The following NOP9 variants were observed in gnomAD, a reference collection of about 807,000 sequenced individuals.
NOP9 encodes the protein nucleolar protein 9.
NOP9 carries 50 observed loss-of-function variants against 63.0 expected under a neutral mutation model. The observed-to-expected ratio is 0.79, with a 90% CI of 0.63 to 1.00. The LOEUF is 1.00. Among genes scored for constraint, NOP9 ranks in the 50% least tolerant of loss-of-function variants. The probability of loss-of-function intolerance (pLI) is 0.00; values close to 1 mark genes in which losing one functional copy is unlikely to be tolerated. For synonymous variants in NOP9, 343 were observed against 332.8 expected (o/e 1.03, Z -0.33); for missense variants, 758 against 803.0 (o/e 0.94, Z 0.68).
the NOP9 span, among the ~76,000 whole-genome samples, chr14:24,285,376 C>T: frequency 6.6e-6 from 1 of 152,152 alleles, no homozygotes; most frequent in East Asian, 1.9e-4. Context: ...GGAGCAGATG[C>T]ATTAGGACCT....
the NOP9 span, among the ~76,000 whole-genome samples, chr14:24,275,564 T>C: frequency 2.6e-5 from 4 of 152,086 alleles, no homozygotes; most frequent in Non-Finnish European, 5.9e-5. Flanking sequence ...CCAACATACA[T>C]ACACAGAAGC....
chr14:24,274,798 CG>C, the NOP9 span, among the ~76,000 whole-genome samples: 1 of 150,400 alleles, frequency 6.6e-6, no homozygotes, highest in Non-Finnish European at 1.5e-5. Flanking sequence ...TTAGTAGAGA[CG>C]GGGTTTCACC....
rs748596107 is a variant in NOP9, at chr14:24,302,047, T to C, written c.891T>C (p.Ala297=). 1 of 1,614,100 alleles carries C rather than the reference T, an allele frequency of 6.2e-7. No individual in the cohort carries two copies. Among genetic ancestry groups the C allele is most frequent in the Non-Finnish European group, 8.5e-7 (1 of 1,179,964 alleles). ...ACCGCAAACTTCCCCAGTTTTGCGCTCATCTCTGCAATGCTGTGATTGGCT... is the reference window on the plus strand; with the variant it reads ...ACCGCAAACTTCCCCAGTTTTGCGCCCATCTCTGCAATGCTGTGATTGGCT... The part of the protein sequence containing the change: ...VLHRKLPQFC[A]HLCNAVIGYL... Residue 297 remains alanine (A), a synonymous_variant, in exon 4 of 10, where the codon GCT becomes GCC. Coordinates refer to ENST00000267425, the MANE Select transcript of NOP9 (RefSeq NM_174913.3).
In NOP9 at chr14:24,305,799, T is replaced by C. The variant is rs758799306; in HGVS notation, c.*704T>C. 7 of 1,607,164 alleles carry C rather than the reference T, an allele frequency of 4.4e-6. No homozygotes were observed. Among genetic ancestry groups the C allele is most frequent in the Middle Eastern group, 3.3e-4 (2 of 6,022 alleles). On this transcript the variant is annotated 3_prime_UTR_variant, in exon 10 of 10. Coordinates refer to ENST00000267425, the MANE Select transcript of NOP9 (RefSeq NM_174913.3). ...CAGAGACAAGAGGAAATCAGATGAT[T>C]TGGAAAACTTGGGAGGAAGCCATCA...
the NOP9 span, among the ~76,000 whole-genome samples, chr14:24,280,947 CGGGA>C: frequency 2.0e-5 from 3 of 152,078 alleles, no homozygotes; most frequent in African/African-American, 7.2e-5. Flanking sequence ...CTCGCAGCAC[CGGGA>C]GGGAGTGGAC....
the NOP9 span, among the ~76,000 whole-genome samples, chr14:24,289,257 C>T: frequency 6.6e-6 from 1 of 152,094 alleles, no homozygotes; most frequent in Non-Finnish European, 1.5e-5. Flanking sequence ...GCTGGGATTA[C>T]AGGTGTGAGC....
chr14:24,300,523 G>C lies in NOP9; in HGVS notation c.363G>C (p.Pro121=), dbSNP rs374464981. The C allele has an allele frequency of 9.9e-6, 16 of 1,614,252 alleles. No individual in the cohort carries two copies. The highest frequency in any genetic ancestry group is 1.3e-5 in the Non-Finnish European group (15 of 1,180,044). The change falls in exon 2 of 10, where the codon CCG becomes CCC. Residue 121 remains proline, a synonymous_variant. Coordinates refer to ENST00000267425, the MANE Select transcript of NOP9 (RefSeq NM_174913.3). ...QELLGFSPLK[P]LCRVWAALRS... is the part of the protein sequence containing the mutation. Reference sequence around the variant, plus strand: ...TGTTGGGATTCAGTCCCTTGAAACCGCTTTGTCGCGTGTGGGCTGCTCTGC... The same window carrying C: ...TGTTGGGATTCAGTCCCTTGAAACCCCTTTGTCGCGTGTGGGCTGCTCTGC...
chr14:24,291,500 A>G, the NOP9 span: 11 of 1,555,292 alleles, frequency 7.1e-6, no homozygotes, highest in Non-Finnish European at 9.8e-6. Flanking sequence ...ACTGGATGCT[A>G]CCGCACTACA....
At position 24,300,294 on chromosome 14, in the gene NOP9, T is replaced by G. The variant is rs923447349; in HGVS notation, c.247+93T>G. The G allele has an allele frequency of 1.1e-5, 18 of 1,568,650 alleles. No homozygotes were observed. The Admixed American group carries it at 3.0e-4, about 26-fold the overall frequency. On this transcript the variant is annotated intron_variant, in intron 1 of 9. Transcript: ENST00000267425. ...GTCGGCAGGGCGTGGGGACTTAGTT[T>G]CATTTCCCATGTCCTCTTCCTCGGC...
chr14:24,307,670 G>C lies in NOP9; in HGVS notation c.*2575G>C. On this transcript the variant is annotated 3_prime_UTR_variant, in exon 10 of 10. Transcript: ENST00000267425. ...GAGACCATGGAGTGCAGGTGGGGGCGGGTGGCTCAGGAGCTTGACAAGCCC... is the reference window on the plus strand; with the variant it reads ...GAGACCATGGAGTGCAGGTGGGGGCCGGTGGCTCAGGAGCTTGACAAGCCC... The C allele has an allele frequency of 8.4e-7, 1 of 1,194,902 alleles. No homozygotes were observed. Among genetic ancestry groups the C allele is most frequent in the Non-Finnish European group, 1.2e-6 (1 of 830,938 alleles). The allele number at this position is 1,194,902 out of a possible 1,614,324, so 74.0% of individuals were successfully genotyped here. A position where few individuals can be genotyped will look rare whatever the true frequency, so the allele number is the denominator to read the frequency against.
the NOP9 span, among the ~76,000 whole-genome samples, chr14:24,278,890 C>T: frequency 2.6e-5 from 4 of 152,028 alleles, no homozygotes; most frequent in Non-Finnish European, 5.9e-5. Flanking sequence ...TGAGAAGAGC[C>T]CATGACCACA....
chr14:24,299,909 C>A lies in NOP9; in HGVS notation c.-46C>A. 6.6e-7 allele frequency: 1 copy of A among 1,506,470 alleles called. No homozygotes were observed. Among genetic ancestry groups the A allele is most frequent in the Non-Finnish European group, 8.9e-7 (1 of 1,129,892 alleles). 93.3% of individuals were successfully genotyped at this position (1,506,470 alleles called of 1,614,324 possible). A position where few individuals can be genotyped will look rare whatever the true frequency, so the allele number is the denominator to read the frequency against. On this transcript the variant is annotated 5_prime_UTR_variant, in exon 1 of 10. Coordinates refer to ENST00000267425, the MANE Select transcript of NOP9 (RefSeq NM_174913.3). ...ACGCTTGGCGACGTCGAAGGTCCGT[C>A]CGCAGTTAAGGAAGCTTTTGCAGCC... is the stretch of plus-strand genomic sequence containing the variant.
At chr14:24,297,889 A>G (rs371686520), upstream of NOP9, among the ~76,000 whole-genome samples, 177 of 151,986 alleles carry the variant, frequency 1.2e-3, 1 homozygote, top group African/African-American at 4.1e-3. Context: ...GCTTTCCCAA[A>G]CCACTTTCCC....
upstream of NOP9, among the ~76,000 whole-genome samples, chr14:24,298,482 T>A (rs138498180): frequency 1.2e-3 from 178 of 152,312 alleles, 1 homozygote; most frequent in African/African-American, 4.1e-3. Context: ...AAGTAAAAAA[T>A]GTGCAGTTCA....
the NOP9 span, among the ~76,000 whole-genome samples, chr14:24,275,524 C>T: frequency 1.3e-5 from 2 of 152,196 alleles, no homozygotes; most frequent in African/African-American, 4.8e-5. Context: ...CGTCTTTCCA[C>T]CCCTGCCAAT....
At chr14:24,280,863 G>A in the NOP9 span, among the ~76,000 whole-genome samples, 2 of 152,352 alleles carry the variant, frequency 1.3e-5, no homozygotes, top group South Asian at 4.1e-4. Flanking sequence ...ATGAGGAGGA[G>A]GAGTTGGGGA....
chr14:24,284,583 ACTGGAGGTGATGGGGAGGGG>A, the NOP9 span, among the ~76,000 whole-genome samples: 1 of 151,952 alleles, frequency 6.6e-6, no homozygotes, highest in East Asian at 1.9e-4. Flanking sequence ...AAGACCAGGG[ACTGGAGGTGATGGGGAGGGG>A]CTGCGGCAAA....
chr14:24,286,782 C>T, the NOP9 span, among the ~76,000 whole-genome samples: 7 of 151,318 alleles, frequency 4.6e-5, no homozygotes, highest in African/African-American at 1.7e-4. Flanking sequence ...TTAGTAGAGT[C>T]GGGGTTTCAC....
At chr14:24,287,136 C>T in the NOP9 span, among the ~76,000 whole-genome samples, 11 of 152,118 alleles carry the variant, frequency 7.2e-5, no homozygotes, top group Non-Finnish European at 1.3e-4. Flanking sequence ...GTGACCCACC[C>T]GCCTCTGCCT....
Sources: allele counts gnomAD v4.1 joint callset (sites outside exome capture counted in the v4.1 genomes callset), GRCh38; gene constraint gnomAD v4.1.1; transcripts MANE v1.5; gene names NCBI Gene and HGNC (gene_info 2026-07-23, HGNC 2026-07-21).